The following USP32 variants were observed in gnomAD, a reference collection of about 807,000 sequenced individuals.
The protein encoded by USP32 is ubiquitin carboxyl-terminal hydrolase 32.
In USP32, 59 loss-of-function variants were observed where a neutral mutation model predicts 204.8. The observed-to-expected ratio is 0.29, with a 90% confidence interval of 0.23 to 0.36. The LOEUF (loss-of-function observed/expected upper bound fraction) is 0.36. Among genes scored for constraint, USP32 ranks in the 10% least tolerant of loss-of-function variants. The pLI is 1.00. For missense variants in USP32, 1,160 were observed against 1,946.4 expected (o/e 0.60, Z 7.60); for synonymous variants, 517 against 678.4 (o/e 0.76, Z 3.70).
chr17:60,283,596 G>A (rs997845967), intron 5 of USP32, among the ~76,000 whole-genome samples: 2 of 151,546 alleles, frequency 1.3e-5, no homozygotes, highest in African/African-American at 2.4e-5. Flanking sequence ...AAAAGTCAAA[G>A]GTTAGTCAAG....
At chr17:60,207,932 T>C (rs1196770629) in intron 24 of USP32, 127 bp downstream of exon 24, 1 of 1,449,504 alleles carries the variant, frequency 6.9e-7, no homozygotes, top group Non-Finnish European at 9.2e-7. Flanking sequence ...TTTGTTGTTG[T>C]TGTTCAGTTT....
At chr17:60,208,294 G>T (rs1360181606) in intron 23 of USP32, 84 bp from the exon 24 acceptor site, 3 of 1,313,876 alleles carry the variant, frequency 2.3e-6, no homozygotes, top group Non-Finnish European at 3.0e-6. Context: ...TATCTGACCT[G>T]TAAATATAAT....
intron 10 of USP32, 32 bp downstream of exon 10, chr17:60,255,143 C>T (rs371155883): frequency 6.5e-7 from 1 of 1,528,066 alleles, no homozygotes; most frequent in East Asian, 2.3e-5. Context: ...GGTACTACTA[C>T]CCTCTGTTGC....
chr17:60,300,991 A>G (rs1176096670), intron 3 of USP32, among the ~76,000 whole-genome samples: 1 of 152,208 alleles, frequency 6.6e-6, no homozygotes, highest in East Asian at 1.9e-4. Flanking sequence ...AAATGTTTTC[A>G]AGTTCATCCA....
chr17:60,188,340 G>A (rs1282360579), intron 29 of USP32, among the ~76,000 whole-genome samples: 1 of 152,106 alleles, frequency 6.6e-6, no homozygotes, highest in Non-Finnish European at 1.5e-5. Context: ...AAAAGGCAGG[G>A]AATCCTTTTA....
chr17:60,312,431 T>C (rs1008926981), intron 2 of USP32, among the ~76,000 whole-genome samples: 1 of 152,072 alleles, frequency 6.6e-6, no homozygotes, highest in African/African-American at 2.4e-5. Flanking sequence ...TTGTTGTCGT[T>C]GTCGTTGTTG....
At chr17:60,391,855 A>G (rs767769636) in intron 1 of USP32, 27 bp downstream of exon 1, 1 of 1,445,868 alleles carries the variant, frequency 6.9e-7, no homozygotes, top group East Asian at 3.1e-5. Context: ...CCTCCCAGGC[A>G]GCTCGCCCAG....
chr17:60,341,680 C>T (rs1412620933), intron 2 of USP32, among the ~76,000 whole-genome samples: 1 of 152,104 alleles, frequency 6.6e-6, no homozygotes, highest in Admixed American at 6.6e-5. Context: ...CCCTTTCTTC[C>T]ACTTGATTGA....
chr17:60,268,157 T>G (rs1176607042), intron 7 of USP32, among the ~76,000 whole-genome samples: 1 of 152,126 alleles, frequency 6.6e-6, no homozygotes, highest in Non-Finnish European at 1.5e-5. Flanking sequence ...ATGCTAACAA[T>G]TAGAACACCA....
At chr17:60,229,019 A>C (rs1390973743) in intron 12 of USP32, among the ~76,000 whole-genome samples, 2 of 152,048 alleles carry the variant, frequency 1.3e-5, no homozygotes, top group African/African-American at 2.4e-5. Context: ...TTATTATTTA[A>C]ATCAATTCAA....
intron 25 of USP32, 55 bp from the exon 26 acceptor site, chr17:60,205,713 C>T (rs777118813): frequency 8.9e-6 from 14 of 1,573,628 alleles, no homozygotes; most frequent in South Asian, 5.8e-5. Flanking sequence ...TTCATCTTTG[C>T]TCTTTTCTCA....
At chr17:60,221,602 G>T (rs1035412719) in intron 15 of USP32, among the ~76,000 whole-genome samples, 8 of 151,674 alleles carry the variant, frequency 5.3e-5, no homozygotes, top group South Asian at 4.2e-4. Context: ...TGCCTCCTGG[G>T]CTCAGACAAT....
intron 2 of USP32, among the ~76,000 whole-genome samples, chr17:60,303,069 C>T (rs1271116676): frequency 1.3e-5 from 2 of 152,226 alleles, no homozygotes; most frequent in African/African-American, 2.4e-5. Context: ...TAACACCTGA[C>T]AACTGATGTC....
At chr17:60,188,119 T>G (rs913264772) in intron 29 of USP32, among the ~76,000 whole-genome samples, 1 of 152,168 alleles carries the variant, frequency 6.6e-6, no homozygotes, top group Admixed American at 6.5e-5. Context: ...TAGCTGGGAC[T>G]ACAGGTGCAC....
chr17:60,390,745 C>G (rs1470459063), intron 1 of USP32, among the ~76,000 whole-genome samples: 1 of 152,194 alleles, frequency 6.6e-6, no homozygotes, highest in Non-Finnish European at 1.5e-5. Flanking sequence ...CATTTTATAT[C>G]CTTAGCTACT....
At chr17:60,322,095 G>C (rs189395572) in intron 2 of USP32, among the ~76,000 whole-genome samples, 2 of 152,264 alleles carry the variant, frequency 1.3e-5, no homozygotes, top group Admixed American at 6.5e-5. Flanking sequence ...TAGGCCCACT[G>C]TTTTATAAGA....
At chr17:60,384,065 C>T (rs2089689327) in intron 1 of USP32, among the ~76,000 whole-genome samples, 1 of 152,120 alleles carries the variant, frequency 6.6e-6, no homozygotes, top group Non-Finnish European at 1.5e-5. Context: ...AACTTGGTGA[C>T]AGATTCTAAC....
intron 26 of USP32, among the ~76,000 whole-genome samples, chr17:60,201,378 CTGGTACACATATCTCT>C (rs2084671882): frequency 6.6e-6 from 1 of 152,098 alleles, no homozygotes; most frequent in African/African-American, 2.4e-5. Flanking sequence ...TACATATCTC[CTGGTACACATATCTCT>C]TGGGTGGATA....
chr17:60,418,008 G>C (rs575143573), intron 1 of USP32, among the ~76,000 whole-genome samples: 1 of 147,954 alleles, frequency 6.8e-6, no homozygotes, highest in Non-Finnish European at 1.5e-5. Context: ...ACCCAGGCTG[G>C]AGTGCAATGG....
Sources: gnomAD v4.1 joint callset for allele counts (sites outside exome capture counted in the v4.1 genomes callset) on GRCh38, gnomAD v4.1.1 for gene constraint, MANE v1.5 for transcripts, NCBI Gene and HGNC (gene_info 2026-07-23, HGNC 2026-07-21) for gene names.